The following IGSF21 variants were observed in gnomAD, a reference collection of about 807,000 sequenced individuals.
IGSF21 encodes immunoglobin superfamily member 21, also known as immunoglobulin superfamily member 21.
A neutral mutation model predicts 46.8 loss-of-function variants in IGSF21; 28 were observed. That is an observed-to-expected ratio of 0.60 (90% confidence interval 0.44 to 0.82). The LOEUF (loss-of-function observed/expected upper bound fraction) is 0.82, where lower values mean the gene tolerates loss of function less well. IGSF21 is among the 40% of genes least tolerant of loss of function. IGSF21 has a pLI of 0.00. For missense variants in IGSF21, 624 were observed against 665.5 expected (o/e 0.94, Z 0.69); for synonymous variants, 284 against 273.6 (o/e 1.04, Z -0.38).
chr1:18,272,900 C>T (rs2085056140), intron 2 of IGSF21, among the ~76,000 whole-genome samples: 1 of 152,080 alleles, frequency 6.6e-6, no homozygotes, highest in Non-Finnish European at 1.5e-5. Flanking sequence ...ACAATAAAAC[C>T]ACAAAAGGAA....
At chr1:18,282,980 C>T (rs781032558) in intron 2 of IGSF21, among the ~76,000 whole-genome samples, 5 of 152,226 alleles carry the variant, frequency 3.3e-5, no homozygotes, top group Non-Finnish European at 5.9e-5. Flanking sequence ...ACCCATACTC[C>T]GTTGAACACA....
Position 18,347,072 on chromosome 1 carries a change from A to T in IGSF21, c.424+12062A>T, listed in dbSNP as rs2085901461. Among the ~76,000 whole-genome samples, 3 of 152,124 alleles carry T rather than the reference A, an allele frequency of 2.0e-5. No individual in the cohort carries two copies. In the South Asian group the frequency reaches 6.2e-4, roughly 31 times the overall value. On this transcript the variant is annotated intron_variant, in intron 4 of 9. Coordinates refer to ENST00000251296, the MANE Select transcript of IGSF21 (RefSeq NM_032880.5). ...GGCTCGGAGGAGCATTTTGAAGCTA[A>T]CTGGGTCATCTAGCAAGAACGGTCA...
intron 2 of IGSF21, among the ~76,000 whole-genome samples, chr1:18,228,350 A>G (rs1035863454): frequency 6.6e-6 from 1 of 152,196 alleles, no homozygotes; most frequent in Non-Finnish European, 1.5e-5. Flanking sequence ...AATTTTGAGC[A>G]TGAGGCTTCG....
chr1:18,161,916 C>T (rs2086629495), intron 1 of IGSF21, among the ~76,000 whole-genome samples: 1 of 152,120 alleles, frequency 6.6e-6, no homozygotes, highest in African/African-American at 2.4e-5. Flanking sequence ...CGTCTCTGAG[C>T]CTCTGTTTTC....
intron 1 of IGSF21, among the ~76,000 whole-genome samples, chr1:18,117,873 C>A (rs1466695852): frequency 6.6e-6 from 1 of 152,204 alleles, no homozygotes; most frequent in Non-Finnish European, 1.5e-5. Flanking sequence ...AAAACTGAGC[C>A]CAGAGAGAGG....
At chr1:18,304,687 G>A (rs1218685211) in intron 3 of IGSF21, among the ~76,000 whole-genome samples, 1 of 145,742 alleles carries the variant, frequency 6.9e-6, no homozygotes, top group Non-Finnish European at 1.5e-5. Flanking sequence ...AGAGCTGTTG[G>A]AAATTATCTA....
intron 3 of IGSF21, among the ~76,000 whole-genome samples, chr1:18,306,489 T>C (rs1354233137): frequency 6.6e-6 from 1 of 152,196 alleles, no homozygotes; most frequent in Non-Finnish European, 1.5e-5. Flanking sequence ...CTCATTTATT[T>C]ATCTGAATAT....
At chr1:18,222,632 C>T (rs530542761) in intron 1 of IGSF21, among the ~76,000 whole-genome samples, 57 of 152,242 alleles carry the variant, frequency 3.7e-4, no homozygotes, top group Non-Finnish European at 6.6e-4. Flanking sequence ...TTGCCCAGGT[C>T]GCTACTGAAT....
intron 1 of IGSF21, among the ~76,000 whole-genome samples, chr1:18,225,799 G>A (rs1258737179): frequency 3.3e-5 from 5 of 152,194 alleles, no homozygotes; most frequent in African/African-American, 1.2e-4. Context: ...AAGTATGCAG[G>A]CTGCAGATGT....
At chr1:18,123,635 G>A (rs1384217096) in intron 1 of IGSF21, among the ~76,000 whole-genome samples, 1 of 152,152 alleles carries the variant, frequency 6.6e-6, no homozygotes, top group Non-Finnish European at 1.5e-5. Flanking sequence ...ATCACTAGAA[G>A]GGGTGATGCA....
chr1:18,255,802 A>G (rs1051583900), intron 2 of IGSF21, among the ~76,000 whole-genome samples: 2 of 151,920 alleles, frequency 1.3e-5, no homozygotes, highest in Non-Finnish European at 2.9e-5. Flanking sequence ...CTCCCTCCTG[A>G]GGTCCCAAAG....
At chr1:18,254,417 C>T (rs1207325506) in intron 2 of IGSF21, among the ~76,000 whole-genome samples, 1 of 152,188 alleles carries the variant, frequency 6.6e-6, no homozygotes, top group Non-Finnish European at 1.5e-5. Flanking sequence ...CACACATTCA[C>T]TGGATCTAGG....
At chr1:18,280,121 C>T (rs2085144448) in intron 2 of IGSF21, among the ~76,000 whole-genome samples, 1 of 152,138 alleles carries the variant, frequency 6.6e-6, no homozygotes, top group Non-Finnish European at 1.5e-5. Context: ...GGACTGAGTG[C>T]TGAGCATGAC....
intron 2 of IGSF21, among the ~76,000 whole-genome samples, chr1:18,271,012 G>A (rs146294084): frequency 3.7e-4 from 57 of 152,298 alleles, no homozygotes; most frequent in African/African-American, 1.1e-3. Flanking sequence ...CAGGGATGGC[G>A]TTGACTTTGG....
intron 1 of IGSF21, among the ~76,000 whole-genome samples, chr1:18,117,467 T>G (rs938142935): frequency 6.6e-5 from 10 of 152,218 alleles, no homozygotes; most frequent in Non-Finnish European, 1.3e-4. Context: ...TTGTCCAATT[T>G]GTGGACTCAA....
intron 2 of IGSF21, among the ~76,000 whole-genome samples, chr1:18,251,527 G>C (rs980665917): frequency 2.0e-5 from 3 of 152,152 alleles, no homozygotes; most frequent in African/African-American, 7.2e-5. Context: ...ACCATCCAAA[G>C]GGGGCACAAA....
chr1:18,324,210 C>A (rs1353938150), intron 3 of IGSF21, among the ~76,000 whole-genome samples: 1 of 152,200 alleles, frequency 6.6e-6, no homozygotes, highest in Non-Finnish European at 1.5e-5. Context: ...TGGAATGATT[C>A]GGCCGTGTCT....
chr1:18,261,686 C>A (rs544245575), intron 2 of IGSF21, among the ~76,000 whole-genome samples: 1 of 152,336 alleles, frequency 6.6e-6, no homozygotes, highest in African/African-American at 2.4e-5. Flanking sequence ...AACAGAAGGA[C>A]CTGGTACCTC....
chr1:18,218,643 C>G (rs1178264459), intron 1 of IGSF21, among the ~76,000 whole-genome samples: 1 of 152,176 alleles, frequency 6.6e-6, no homozygotes, highest in African/African-American at 2.4e-5. Context: ...TACAGTCTTA[C>G]TGGGTAATAC....
Sources: allele counts gnomAD v4.1 joint callset (sites outside exome capture counted in the v4.1 genomes callset), GRCh38; gene constraint gnomAD v4.1.1; transcripts MANE v1.5; gene names NCBI Gene and HGNC (gene_info 2026-07-23, HGNC 2026-07-21).